LOC128092252: variants seen among roughly 807,000 people sequenced by gnomAD.
At chr15:50,683,308 G>T in the LOC128092252 span, among the ~76,000 whole-genome samples, 1 of 151,822 alleles carries the variant, frequency 6.6e-6, no homozygotes, top group African/African-American at 2.4e-5. Flanking sequence ...AACCCAGAAT[G>T]AAATAATAGA....
the LOC128092252 span, among the ~76,000 whole-genome samples, chr15:50,680,583 C>A: frequency 4.2e-4 from 62 of 147,194 alleles, no homozygotes; most frequent in East Asian, 5.9e-3. Context: ...AAAAAAAAAA[C>A]AAAAACCAGA....
At chr15:50,675,365 C>T in the LOC128092252 span, among the ~76,000 whole-genome samples, 1 of 151,750 alleles carries the variant, frequency 6.6e-6, no homozygotes, top group Non-Finnish European at 1.5e-5. Flanking sequence ...AAGAAAATCT[C>T]CTACAGCCTT....
the LOC128092252 span, among the ~76,000 whole-genome samples, chr15:50,669,988 G>A: frequency 6.6e-6 from 1 of 152,168 alleles, no homozygotes; most frequent in Non-Finnish European, 1.5e-5. Flanking sequence ...GTATAGGAAT[G>A]CAGGATAAGC....
chr15:50,651,967 A>T, the LOC128092252 span, among the ~76,000 whole-genome samples: 12 of 152,054 alleles, frequency 7.9e-5, 1 homozygote, highest in Admixed American at 7.9e-4. Flanking sequence ...AAAATAACCT[A>T]AACTTCTACC....
chr15:50,655,315 C>T, the LOC128092252 span, among the ~76,000 whole-genome samples: 1 of 151,468 alleles, frequency 6.6e-6, no homozygotes, highest in Non-Finnish European at 1.5e-5. Context: ...CGTCTGTAAT[C>T]CCAGCTACTC....
chr15:50,682,114 T>A, the LOC128092252 span, among the ~76,000 whole-genome samples: 1 of 138,884 alleles, frequency 7.2e-6, no homozygotes, highest in African/African-American at 2.7e-5. Flanking sequence ...GAAGGCACAG[T>A]TTGCAGTGAG....
the LOC128092252 span, among the ~76,000 whole-genome samples, chr15:50,668,086 A>G: frequency 4.3e-4 from 66 of 152,356 alleles, 1 homozygote; most frequent in African/African-American, 1.6e-3. Flanking sequence ...ACTTTTTGTC[A>G]TCAACATACA....
chr15:50,681,110 G>A, the LOC128092252 span, among the ~76,000 whole-genome samples: 1 of 152,096 alleles, frequency 6.6e-6, no homozygotes, highest in Non-Finnish European at 1.5e-5. Context: ...AATTAGCCGG[G>A]CATGGTAGCA....
At chr15:50,667,055 C>G in the LOC128092252 span, among the ~76,000 whole-genome samples, 6 of 152,190 alleles carry the variant, frequency 3.9e-5, no homozygotes, top group East Asian at 1.2e-3. Flanking sequence ...TAACATCTTT[C>G]TGGCAAACCA....
chr15:50,664,694 T>TGGTG, the LOC128092252 span, among the ~76,000 whole-genome samples: 1 of 152,174 alleles, frequency 6.6e-6, no homozygotes, highest in African/African-American at 2.4e-5. Context: ...AAGCCAGGCA[T>TGGTG]GGTGGCTCAC....
chr15:50,672,614 A>C, the LOC128092252 span, among the ~76,000 whole-genome samples: 1 of 151,994 alleles, frequency 6.6e-6, no homozygotes, highest in African/African-American at 2.4e-5. Context: ...TAAAATGTTG[A>C]AATAGAAAAA....
chr15:50,663,446 A>C, the LOC128092252 span, among the ~76,000 whole-genome samples: 1 of 152,160 alleles, frequency 6.6e-6, no homozygotes, highest in Non-Finnish European at 1.5e-5. Context: ...TCTATACTAC[A>C]TAATTTTTTA....
At chr15:50,651,768 T>TA in the LOC128092252 span, among the ~76,000 whole-genome samples, 1 of 152,054 alleles carries the variant, frequency 6.6e-6, no homozygotes, top group African/African-American at 2.4e-5. Flanking sequence ...CAGTCGCCTG[T>TA]AATCCCAGCT....
chr15:50,667,559 T>C, the LOC128092252 span, among the ~76,000 whole-genome samples: 1 of 152,048 alleles, frequency 6.6e-6, no homozygotes, highest in African/African-American at 2.4e-5. Flanking sequence ...TACAAAAAAT[T>C]AGCTGGGAAT....
the LOC128092252 span, among the ~76,000 whole-genome samples, chr15:50,668,609 G>A: frequency 6.6e-6 from 1 of 152,202 alleles, no homozygotes; most frequent in Admixed American, 6.6e-5. Context: ...CGGGGTCCAA[G>A]TAATTCTCCT....
chr15:50,657,813 A>C, the LOC128092252 span: 1 of 1,611,880 alleles, frequency 6.2e-7, no homozygotes, highest in Non-Finnish European at 8.5e-7. Flanking sequence ...GACATCCTGG[A>C]AGGCATCTAT....
the LOC128092252 span, among the ~76,000 whole-genome samples, chr15:50,667,770 G>A: frequency 0.15 from 22,221 of 152,118 alleles, 2,212 homozygotes; most frequent in Admixed American, 0.28. Flanking sequence ...TGTCTATAAG[G>A]TTTTATTAAG....
the LOC128092252 span, among the ~76,000 whole-genome samples, chr15:50,659,847 T>C: frequency 2.0e-5 from 3 of 152,106 alleles, no homozygotes; most frequent in Non-Finnish European, 2.9e-5. Flanking sequence ...TTTATATTTT[T>C]AGTAGAGACG....
At chr15:50,684,366 GC>G in the LOC128092252 span, among the ~76,000 whole-genome samples, 2 of 152,040 alleles carry the variant, frequency 1.3e-5, no homozygotes, top group Non-Finnish European at 2.9e-5. Flanking sequence ...TAGAAGCTGG[GC>G]AAAGTGGGGC....
Sources: gnomAD v4.1 joint callset for allele counts (sites outside exome capture counted in the v4.1 genomes callset) on GRCh38, gnomAD v4.1.1 for gene constraint, MANE v1.5 for transcripts.